CKAP5: variants seen among roughly 807,000 people sequenced by gnomAD.
CKAP5 encodes the protein cytoskeleton associated protein 5, also known as cytoskeleton-associated protein 5.
In CKAP5, 27 loss-of-function variants were observed where a neutral mutation model predicts 232.8. That is an observed-to-expected ratio of 0.12 (90% confidence interval 0.09 to 0.16). CKAP5 has a LOEUF of 0.16. CKAP5 is among the 10% of genes least tolerant of loss of function. CKAP5 has a pLI of 1.00. For synonymous variants in CKAP5, 785 were observed against 841.1 expected (o/e 0.93, Z 1.16); for missense variants, 1,838 against 2,424.7 (o/e 0.76, Z 5.08).
intron 1 of CKAP5, among the ~76,000 whole-genome samples, chr11:46,845,779 G>A (rs1178570912): frequency 6.6e-6 from 1 of 152,238 alleles, no homozygotes; most frequent in Non-Finnish European, 1.5e-5. Context: ...CCTTGCTCCA[G>A]GGCGACAAGG....
chr11:46,822,388 T>C (rs1343686867), intron 1 of CKAP5, among the ~76,000 whole-genome samples: 1 of 152,210 alleles, frequency 6.6e-6, no homozygotes, highest in Non-Finnish European at 1.5e-5. Flanking sequence ...CTGAGCTAAA[T>C]GGCCTTTTAA....
At chr11:46,788,019 C>G (rs12363678) in intron 16 of CKAP5, among the ~76,000 whole-genome samples, 1 of 152,300 alleles carries the variant, frequency 6.6e-6, no homozygotes, top group East Asian at 1.9e-4. Flanking sequence ...TTAGGATTTT[C>G]TTAATCACAT....
In CKAP5 at chr11:46,816,360, T is replaced by C. The variant is rs750746539; in HGVS notation, c.296A>G (p.Asn99Ser). The change falls in exon 4 of 44, where the codon AAT (asparagine) becomes AGT (serine). Residue 99 changes from asparagine (N) to serine (S), a missense_variant. By Grantham distance (46) the Asn-to-Ser change is conservative. Transcript: ENST00000529230. ...CTCCTTGGCTTTAGCTTTAGGTTGATTGAACACCTTACTTACAACACCTGA... is the reference window on the plus strand; with the variant it reads ...CTCCTTGGCTTTAGCTTTAGGTTGACTGAACACCTTACTTACAACACCTGA... ...VVSGVVSKVFNQPKAKAKELG... is the reference protein window; with the variant it reads ...VVSGVVSKVFSQPKAKAKELG... 37 of 1,614,136 alleles carry C rather than the reference T, an allele frequency of 2.3e-5. No homozygotes were observed. Among genetic ancestry groups the C allele is most frequent in the Non-Finnish European group, 2.8e-5 (33 of 1,180,028 alleles).
intron 4 of CKAP5, 82 bp from the exon 5 acceptor site, chr11:46,811,260 T>A: frequency 8.9e-7 from 1 of 1,121,788 alleles, no homozygotes; most frequent in South Asian, 1.6e-5. Flanking sequence ...TCAAACATAG[T>A]TCCATATCTA....
chr11:46,759,144 ACTG>A, intron 34 of CKAP5, 101 bp from the exon 35 acceptor site: 11 of 1,510,668 alleles, frequency 7.3e-6, no homozygotes, highest in Non-Finnish European at 9.9e-6. Context: ...TTAGTTAACA[ACTG>A]CTATCATTCA....
chr11:46,743,163 AGTT>A lies in CKAP5; in HGVS notation c.*857_*859del, dbSNP rs1197970765. The stretch of plus-strand genomic sequence containing the variant: ...CCATTAGTCAAATGAACACAAATCT[AGTT>A]GTAGTGTGAGAACCACTGAAGCCCA... On this transcript the variant is annotated 3_prime_UTR_variant, in exon 44 of 44. Coordinates refer to ENST00000529230, the MANE Select transcript of CKAP5 (RefSeq NM_001008938.4). 1 of 152,124 alleles carries A rather than the reference AGTT, an allele frequency of 6.6e-6. No homozygotes were observed. Among genetic ancestry groups the A allele is most frequent in the South Asian group, 2.1e-4 (1 of 4,784 alleles). The allele number at this position is 152,124 out of a possible 1,614,324, so 9.4% of individuals were successfully genotyped here.
At chr11:46,801,803 A>G (rs1939036612) in intron 8 of CKAP5, among the ~76,000 whole-genome samples, 1 of 152,238 alleles carries the variant, frequency 6.6e-6, no homozygotes, top group Non-Finnish European at 1.5e-5. Context: ...CTTCTATCTT[A>G]AAGTTCTACT....
At position 46,750,444 on chromosome 11, in the gene CKAP5, GGA is replaced by G; in HGVS notation, c.5545-13_5545-12del. 1 of 1,613,870 alleles carries G rather than the reference GGA, an allele frequency of 6.2e-7. No individual in the cohort carries two copies. Among genetic ancestry groups the G allele is most frequent in the Non-Finnish European group, 8.5e-7 (1 of 1,179,846 alleles). ...TAACTCTGCTAGTCCCTGGTGAACA[GGA>G]AAAGGGAAGAGGTGGGGATGAATGT... On this transcript the variant is annotated splice_polypyrimidine_tract_variant and intron_variant, in intron 41 of 43. Transcript: ENST00000529230.
chr11:46,750,501 T>TA (rs1402995118), intron 41 of CKAP5, 27 bp downstream of exon 41: 1 of 1,605,798 alleles, frequency 6.2e-7, no homozygotes, highest in Non-Finnish European at 8.5e-7. Flanking sequence ...AGCAGACCCC[T>TA]ATTCTGCTTA....
chr11:46,774,448 A>G (rs913901856), intron 24 of CKAP5, among the ~76,000 whole-genome samples: 1 of 152,224 alleles, frequency 6.6e-6, no homozygotes, highest in Non-Finnish European at 1.5e-5. Flanking sequence ...TATTCCCATC[A>G]AGCTACCAAT....
chr11:46,779,245 T>C (rs2065317912), intron 20 of CKAP5, among the ~76,000 whole-genome samples: 1 of 152,030 alleles, frequency 6.6e-6, no homozygotes, highest in Non-Finnish European at 1.5e-5. Flanking sequence ...GTGATTCTTA[T>C]GCCTCAGCCT....
At chr11:46,782,417 T>A (rs2065351740) in intron 18 of CKAP5, among the ~76,000 whole-genome samples, 1 of 152,200 alleles carries the variant, frequency 6.6e-6, no homozygotes, top group South Asian at 2.1e-4. Context: ...AGAGGAATTA[T>A]AACAATACCC....
At chr11:46,837,334 G>A (rs746562607) in intron 1 of CKAP5, among the ~76,000 whole-genome samples, 11 of 151,910 alleles carry the variant, frequency 7.2e-5, no homozygotes, top group Non-Finnish European at 1.6e-4. Context: ...TTTCCCCCCC[G>A]CCCATACTAC....
intron 1 of CKAP5, among the ~76,000 whole-genome samples, chr11:46,821,518 G>A (rs1420731691): frequency 2.1e-5 from 3 of 139,694 alleles, no homozygotes; most frequent in Middle Eastern, 4.3e-3. Flanking sequence ...TACACCTCCT[G>A]GGCTGACGCC....
chr11:46,818,641 A>G (rs1277549812), intron 2 of CKAP5, 138 bp from the exon 3 acceptor site: 1 of 590,524 alleles, frequency 1.7e-6, no homozygotes, highest in Non-Finnish European at 2.6e-6. Context: ...CCATGACTAG[A>G]AATGAAAAAA....
In CKAP5 at chr11:46,816,306, A is replaced by G. The variant is rs573741998; in HGVS notation, c.350T>C (p.Ile117Thr). The change falls in exon 4 of 44, where the codon ATA becomes ACA. Residue 117 changes from isoleucine to threonine, a missense_variant. Physicochemically the swap from Ile to Thr is moderately conservative, Grantham distance 89. Transcript: ENST00000529230. ...AACAGCCTCTCCTTTCTCAATCTCT[A>G]TGTACATAAGACAGATCTCTATGCC... ...ELGIEICLMY[I>T]EIEKGEAVQE... 7.4e-6 allele frequency: 12 copies of G among 1,613,968 alleles called. No individual in the cohort carries two copies. In the East Asian group the frequency reaches 1.1e-4, roughly 15 times the overall value.
chr11:46,784,811 C>A, intron 16 of CKAP5, 138 bp from the exon 17 acceptor site: 3 of 546,876 alleles, frequency 5.5e-6, no homozygotes, highest in Non-Finnish European at 9.4e-6. Context: ...GGATTTTAAA[C>A]AAATATGCAA....
At position 46,778,216 on chromosome 11, in the gene CKAP5, C is replaced by G; in HGVS notation, c.2671G>C (p.Ala891Pro). 6.2e-7 allele frequency: 1 copy of G among 1,613,892 alleles called. No individual in the cohort carries two copies. Among genetic ancestry groups the G allele is most frequent in the Non-Finnish European group, 8.5e-7 (1 of 1,179,842 alleles). Residue 891 changes from alanine to proline, a missense_variant, in exon 22 of 44, where the codon GCA becomes CCA. Ala to Pro is a conservative substitution (Grantham distance 27). This residue lies in a region of CKAP5 where 767 missense variants were observed against 954.6 expected (regional missense o/e 0.80). Transcript: ENST00000529230. ...LDEVAGIIND[A>P]KFIQPNIGEL... ...CCTATATTCGGTTGGATAAATTTTG[C>G]GTCATTAATAATACCTGCCACTTCA...
At chr11:46,819,580 A>G (rs1054105424) in intron 2 of CKAP5, among the ~76,000 whole-genome samples, 2 of 152,218 alleles carry the variant, frequency 1.3e-5, no homozygotes, top group African/African-American at 4.8e-5. Flanking sequence ...TCAAAGAGAC[A>G]GAAGGATCAA....
Sources: allele counts gnomAD v4.1 joint callset (sites outside exome capture counted in the v4.1 genomes callset), GRCh38; gene constraint gnomAD v4.1.1; regional missense constraint gnomAD v4.1.1; transcripts MANE v1.5; gene names NCBI Gene and HGNC (gene_info 2026-07-23, HGNC 2026-07-21).